LEF1: variants seen among roughly 807,000 people sequenced by gnomAD.
LEF1 encodes the protein lymphoid enhancer-binding factor 1.
LEF1 carries 14 observed loss-of-function variants against 51.2 expected under a neutral mutation model. The ratio of observed to expected loss-of-function variants is 0.27; its 90% CI spans 0.18 to 0.43. LEF1 has a LOEUF of 0.43. Ranked by LOEUF, LEF1 falls within the 20% of genes least tolerant of loss-of-function variation. The probability of loss-of-function intolerance (pLI) is 1.00; values close to 1 mark genes in which losing one functional copy is unlikely to be tolerated. For synonymous variants in LEF1, 185 were observed against 183.2 expected, an observed-to-expected ratio of 1.01 and a Z score of -0.08; for missense variants, 386 against 512.0, an observed-to-expected ratio of 0.75 and a Z score of 2.37.
intron 9 of LEF1, among the ~76,000 whole-genome samples, chr4:108,067,441 A>G (rs1470174386): frequency 6.6e-6 from 1 of 152,214 alleles, no homozygotes; most frequent in Non-Finnish European, 1.5e-5. Context: ...TCACAGCACA[A>G]TGAAGTTTAC....
chr4:108,091,204 G>A (rs1178175311), intron 3 of LEF1, among the ~76,000 whole-genome samples: 2 of 152,080 alleles, frequency 1.3e-5, no homozygotes, highest in Non-Finnish European at 2.9e-5. Flanking sequence ...TGCTTAAAAT[G>A]TAAGTCCATA....
intron 8 of LEF1, chr4:108,072,891 A>T (rs1390617939): frequency 6.6e-6 from 1 of 151,736 alleles, no homozygotes; most frequent in Non-Finnish European, 1.5e-5. Flanking sequence ...AAAAGGAAAC[A>T]TCATCGTTTT....
intron 3 of LEF1, among the ~76,000 whole-genome samples, chr4:108,123,765 T>C (rs1167635444): frequency 6.6e-6 from 1 of 152,178 alleles, no homozygotes; most frequent in African/African-American, 2.4e-5. Context: ...GTATCACATC[T>C]ACCATAATGC....
In LEF1 at chr4:108,163,629, G is replaced by A; in HGVS notation, c.353C>T (p.Pro118Leu). The change falls in exon 3 of 12, where the codon CCA (proline) becomes CTA (leucine). Residue 118 changes from proline to leucine, a missense_variant. Physicochemically the swap from Pro to Leu is moderately conservative, Grantham distance 98. Transcript: ENST00000265165. ...YSSYSGYIMM[P>L]NMNNDPYMSN... The stretch of plus-strand genomic sequence containing the variant: ...CATGTATGGGTCGTTATTCATATTT[G>A]GCATCATTATGTACCCGGAATAACT... The A allele has an allele frequency of 6.2e-7, 1 of 1,613,598 alleles. No homozygotes were observed.
chr4:108,070,430 T>G (rs1560766533), intron 9 of LEF1: 1 of 338,862 alleles, frequency 3.0e-6, no homozygotes, highest in Non-Finnish European at 5.3e-6. Flanking sequence ...AAGGTATTAG[T>G]TTATTTCAAA....
chr4:108,114,891 C>A (rs971384719), intron 3 of LEF1, among the ~76,000 whole-genome samples: 1 of 152,116 alleles, frequency 6.6e-6, no homozygotes, highest in African/African-American at 2.4e-5. Context: ...CTGCATTTGC[C>A]CAGGATGGAA....
At chr4:108,052,973 G>A (rs372065740) in intron 11 of LEF1, among the ~76,000 whole-genome samples, 1 of 152,076 alleles carries the variant, frequency 6.6e-6, no homozygotes, top group Non-Finnish European at 1.5e-5. Flanking sequence ...CTTGCCAAAG[G>A]TCACCCAACT....
At chr4:108,078,887 C>T (rs1268557475) in intron 7 of LEF1, among the ~76,000 whole-genome samples, 3 of 152,228 alleles carry the variant, frequency 2.0e-5, no homozygotes, top group Non-Finnish European at 2.9e-5. Flanking sequence ...TGCATACATT[C>T]GCAAGGGCTT....
At chr4:108,063,742 A>C in intron 10 of LEF1, 79 bp from the exon 11 acceptor site, 12 of 934,322 alleles carry the variant, frequency 1.3e-5, no homozygotes, top group Non-Finnish European at 2.0e-5. Flanking sequence ...CTACAATATC[A>C]TGTGAACTTG....
intron 4 of LEF1, among the ~76,000 whole-genome samples, chr4:108,084,665 A>G (rs1230037663): frequency 6.6e-6 from 1 of 152,230 alleles, no homozygotes; most frequent in Non-Finnish European, 1.5e-5. Flanking sequence ...TTCTCAACAG[A>G]GGGCTTACCT....
At chr4:108,083,068 C>A (rs1243101767) in intron 5 of LEF1, 8 of 375,806 alleles carry the variant, frequency 2.1e-5, no homozygotes, top group African/African-American at 1.7e-4. Context: ...TAACTTTGTA[C>A]AGGCATAGCA....
At chr4:108,098,024 G>A (rs1327391812) in intron 3 of LEF1, among the ~76,000 whole-genome samples, 4 of 152,090 alleles carry the variant, frequency 2.6e-5, no homozygotes, top group Non-Finnish European at 5.9e-5. Flanking sequence ...TGTTTGGGGC[G>A]GGTTGGTTCA....
intron 3 of LEF1, among the ~76,000 whole-genome samples, chr4:108,099,570 G>GTATATATATATATATA (rs551521155): frequency 2.8e-5 from 2 of 70,194 alleles, no homozygotes; most frequent in Non-Finnish European, 5.8e-5. Flanking sequence ...GTGTGTGTGT[G>GTATATATATATATATA]TATATATATA....
chr4:108,107,149 T>G (rs1254800903), intron 3 of LEF1, among the ~76,000 whole-genome samples: 1 of 152,216 alleles, frequency 6.6e-6, no homozygotes, highest in African/African-American at 2.4e-5. Flanking sequence ...TCATTATGAC[T>G]TTTATTGGTT....
At chr4:108,112,560 T>C (rs1741597840) in intron 3 of LEF1, among the ~76,000 whole-genome samples, 1 of 152,344 alleles carries the variant, frequency 6.6e-6, no homozygotes, top group Admixed American at 6.5e-5. Flanking sequence ...ATTCTTTCTG[T>C]GCCTTGATTT....
intron 4 of LEF1, 90 bp downstream of exon 4, chr4:108,089,035 A>G (rs905781439): frequency 6.4e-5 from 89 of 1,397,452 alleles, no homozygotes; most frequent in Non-Finnish European, 8.9e-5. Flanking sequence ...AGTGACATGG[A>G]GCACTGGCAT....
At chr4:108,093,967 AT>A (rs1740216391) in intron 3 of LEF1, among the ~76,000 whole-genome samples, 1 of 152,214 alleles carries the variant, frequency 6.6e-6, no homozygotes. Flanking sequence ...TACTATTATT[AT>A]CCCCCTTTTA....
intron 3 of LEF1, among the ~76,000 whole-genome samples, chr4:108,123,721 T>C (rs1393784722): frequency 1.3e-5 from 2 of 152,184 alleles, no homozygotes; most frequent in Non-Finnish European, 2.9e-5. Flanking sequence ...TGTATCTCCA[T>C]ATTTTTAGTT....
At chr4:108,072,459 C>T (rs1738552961) in intron 8 of LEF1, among the ~76,000 whole-genome samples, 1 of 152,228 alleles carries the variant, frequency 6.6e-6, no homozygotes, top group African/African-American at 2.4e-5. Flanking sequence ...GTAACAGAGT[C>T]CGTTTCCTTT....
Sources: allele counts gnomAD v4.1 joint callset (sites outside exome capture counted in the v4.1 genomes callset), GRCh38; gene constraint gnomAD v4.1.1; transcripts MANE v1.5; gene names NCBI Gene and HGNC (gene_info 2026-07-23, HGNC 2026-07-21).